Variants in VPS13D observed in about 807,000 individuals in gnomAD.
VPS13D encodes the protein vacuolar protein sorting 13 homolog D, also known as intermembrane lipid transfer protein VPS13D.
Under a neutral mutation model 461.9 loss-of-function variants are expected in VPS13D, and 187 were observed. The observed-to-expected ratio is 0.40, with a 90% CI of 0.36 to 0.46. The LOEUF (loss-of-function observed/expected upper bound fraction) is 0.46, where lower values mean the gene tolerates loss of function less well. Among genes scored for constraint, VPS13D ranks in the 20% least tolerant of loss-of-function variants. The pLI, the probability that VPS13D is intolerant of heterozygous loss-of-function variation, is 0.60. For missense variants in VPS13D, 4,711 were observed against 5,364.9 expected (o/e 0.88, Z 3.81); for synonymous variants, 1,951 against 1,986.3 (o/e 0.98, Z 0.47).
intron 7 of VPS13D, among the ~76,000 whole-genome samples, chr1:12,254,824 G>A (rs569624264): frequency 2.0e-5 from 3 of 151,822 alleles, no homozygotes; most frequent in Non-Finnish European, 2.9e-5. Context: ...TACCACACCC[G>A]GCCAGTTTAA....
At chr1:12,475,145 A>G (rs1214882285) in intron 67 of VPS13D, among the ~76,000 whole-genome samples, 1 of 152,140 alleles carries the variant, frequency 6.6e-6, no homozygotes, top group Non-Finnish European at 1.5e-5. Flanking sequence ...AAAATAAGCT[A>G]TTGGATGTTC....
chr1:12,398,268 G>A (rs1644525599), intron 60 of VPS13D, among the ~76,000 whole-genome samples: 1 of 152,156 alleles, frequency 6.6e-6, no homozygotes, highest in African/African-American at 2.4e-5. Context: ...CAATGGAGAG[G>A]TCAGAGGATT....
Position 12,273,065 on chromosome 1 carries a change from T to C in VPS13D, c.2166T>C (p.Asp722=), listed in dbSNP as rs1420806209. ...CTGCCCCTCAGGTGATATTTCCTGATGATTTCAAATTCAAGAATCCTGTGT... is the reference window on the plus strand; with the variant it reads ...CTGCCCCTCAGGTGATATTTCCTGACGATTTCAAATTCAAGAATCCTGTGT... ...DISAPQVIFP[D]DFKFKNPVLV... is the part of the protein sequence containing the mutation. Residue 722 remains aspartate, a synonymous_variant, in exon 18 of 70, where the codon GAT becomes GAC. Coordinates refer to ENST00000620676, the MANE Select transcript of VPS13D (RefSeq NM_015378.4). 1.2e-6 allele frequency: 2 copies of C among 1,614,184 alleles called. No homozygotes were observed. Among genetic ancestry groups the C allele is most frequent in the East Asian group, 4.5e-5 (2 of 44,874 alleles).
intron 56 of VPS13D, 99 bp downstream of exon 56, chr1:12,378,690 A>G: frequency 7.9e-7 from 1 of 1,263,166 alleles, no homozygotes; most frequent in Non-Finnish European, 1.0e-6. Context: ...AATAAAGTAA[A>G]AATGTATATT....
chr1:12,287,902 G>C (rs958627122), intron 21 of VPS13D, among the ~76,000 whole-genome samples: 1 of 152,082 alleles, frequency 6.6e-6, no homozygotes, highest in Non-Finnish European at 1.5e-5. Context: ...AGTTACTATA[G>C]AATTGTATAA....
rs191656441 is a variant in VPS13D, at chr1:12,308,878, C to T, written c.6650+237C>T. ...TGTTGTGGTCTTGAACTCCTGACCTCAGGTGTTCTGCCTGCCTCAGCCTCC... is the reference window on the plus strand; with the variant it reads ...TGTTGTGGTCTTGAACTCCTGACCTTAGGTGTTCTGCCTGCCTCAGCCTCC... On this transcript the variant is annotated intron_variant, in intron 27 of 69. Transcript: ENST00000620676. Among the ~76,000 whole-genome samples the T allele has an allele frequency of 4.8e-3, 728 of 152,182 alleles. 2 individuals are homozygous for T. Among genetic ancestry groups the T allele is most frequent in the African/African-American group, 0.017 (703 of 41,526 alleles).
At chr1:12,355,571 TA>T (rs1366585212) in intron 47 of VPS13D, among the ~76,000 whole-genome samples, 1 of 152,188 alleles carries the variant, frequency 6.6e-6, no homozygotes, top group African/African-American at 2.4e-5. Context: ...ATGTGTCGAT[TA>T]AAAATTTAAT....
intron 2 of VPS13D, among the ~76,000 whole-genome samples, chr1:12,235,802 T>C (rs1640129795): frequency 6.6e-6 from 1 of 152,150 alleles, no homozygotes; most frequent in Non-Finnish European, 1.5e-5. Context: ...AATAGTAGTG[T>C]CAAGTTCACC....
At chr1:12,456,654 A>G (rs939340182) in intron 66 of VPS13D, among the ~76,000 whole-genome samples, 26 of 149,304 alleles carry the variant, frequency 1.7e-4, no homozygotes, top group Non-Finnish European at 2.2e-4. Flanking sequence ...AAAAAAAAAA[A>G]AAAAAAGAAA....
intron 20 of VPS13D, among the ~76,000 whole-genome samples, chr1:12,281,388 A>G (rs1029860437): frequency 1.3e-5 from 2 of 151,758 alleles, no homozygotes; most frequent in African/African-American, 4.8e-5. Flanking sequence ...TTGTCCCCCC[A>G]TGTCGTATTT....
At chr1:12,437,624 A>G (rs561353235) in intron 65 of VPS13D, among the ~76,000 whole-genome samples, 3 of 152,246 alleles carry the variant, frequency 2.0e-5, no homozygotes, top group East Asian at 1.9e-4. Flanking sequence ...ATCCATTCCA[A>G]TGAGTAGATT....
intron 2 of VPS13D, among the ~76,000 whole-genome samples, chr1:12,238,411 C>T (rs1359538920): frequency 6.6e-6 from 1 of 151,558 alleles, no homozygotes; most frequent in Non-Finnish European, 1.5e-5. Context: ...GCACTGCAGC[C>T]TTGGCAACAG....
intron 52 of VPS13D, among the ~76,000 whole-genome samples, chr1:12,365,034 A>G (rs1416632025): frequency 2.0e-5 from 3 of 152,182 alleles, no homozygotes; most frequent in African/African-American, 7.2e-5. Context: ...TTCCCATTAA[A>G]TGATCTTGGT....
At chr1:12,367,759 A>G (rs1275651085) in intron 52 of VPS13D, 1 of 151,678 alleles carries the variant, frequency 6.6e-6, no homozygotes, top group African/African-American at 2.4e-5. Flanking sequence ...GCTGCCTGCC[A>G]CTAAGCCTGG....
At chr1:12,447,713 C>A (rs999304849) in intron 65 of VPS13D, among the ~76,000 whole-genome samples, 1 of 152,220 alleles carries the variant, frequency 6.6e-6, no homozygotes, top group African/African-American at 2.4e-5. Context: ...TGTCATCAGC[C>A]TCCTTTCTTC....
intron 55 of VPS13D, among the ~76,000 whole-genome samples, chr1:12,377,431 A>G (rs754427242): frequency 6.6e-6 from 1 of 152,106 alleles, no homozygotes; most frequent in Admixed American, 6.5e-5. Context: ...AAGTATTATG[A>G]CTTCTAGTAT....
intron 67 of VPS13D, 58 bp downstream of exon 67, chr1:12,460,454 C>T: frequency 1.4e-6 from 2 of 1,447,526 alleles, no homozygotes; most frequent in South Asian, 2.9e-5. Context: ...GCTGCTTCTC[C>T]TAATCCATAC....
chr1:12,431,415 C>T (rs1248727807), intron 65 of VPS13D, among the ~76,000 whole-genome samples: 2 of 150,222 alleles, frequency 1.3e-5, no homozygotes, highest in East Asian at 3.9e-4. Flanking sequence ...GCTAATTAGT[C>T]ACAGGGCTAG....
intron 65 of VPS13D, among the ~76,000 whole-genome samples, chr1:12,452,565 G>A (rs1371280225): frequency 6.6e-6 from 1 of 152,210 alleles, no homozygotes; most frequent in East Asian, 1.9e-4. Context: ...TCCCACTGAG[G>A]TGGGGAATGG....
Sources: gnomAD v4.1 joint callset for allele counts (sites outside exome capture counted in the v4.1 genomes callset) on GRCh38, gnomAD v4.1.1 for gene constraint, MANE v1.5 for transcripts, NCBI Gene and HGNC (gene_info 2026-07-23, HGNC 2026-07-21) for gene names.